DNAH6: variants seen among roughly 807,000 people sequenced by gnomAD.
The protein encoded by DNAH6 is dynein axonemal heavy chain 6.
A neutral mutation model predicts 491.4 loss-of-function variants in DNAH6; 340 were observed. The ratio of observed to expected loss-of-function variants is 0.69; its 90% confidence interval spans 0.63 to 0.76. DNAH6 has a LOEUF of 0.76. Among genes scored for constraint, DNAH6 ranks in the 30% least tolerant of loss-of-function variants. DNAH6 has a pLI of 0.00. For missense variants in DNAH6, 4,443 were observed against 4,972.2 expected, an observed-to-expected ratio of 0.89 and a Z score of 3.20; for synonymous variants, 1,603 against 1,686.1, an observed-to-expected ratio of 0.95 and a Z score of 1.21.
intron 13 of DNAH6, among the ~76,000 whole-genome samples, chr2:84,579,009 C>A (rs1254295364): frequency 2.0e-5 from 3 of 152,208 alleles, no homozygotes; most frequent in African/African-American, 7.2e-5. Flanking sequence ...CCTCCCCAGC[C>A]ATGCTGAACT....
At chr2:84,551,450 A>G (rs1378874802) in intron 9 of DNAH6, among the ~76,000 whole-genome samples, 1 of 152,212 alleles carries the variant, frequency 6.6e-6, no homozygotes, top group East Asian at 1.9e-4. Context: ...TTTTCCTCTT[A>G]GCAATACAGT....
intron 30 of DNAH6, among the ~76,000 whole-genome samples, chr2:84,636,134 T>C (rs1379614246): frequency 3.3e-5 from 5 of 152,210 alleles, no homozygotes; most frequent in African/African-American, 1.2e-4. Flanking sequence ...ACCTCTCTGC[T>C]GCCAATTTTG....
In DNAH6 at chr2:84,653,883, A is replaced by G. The variant is rs1488990544; in HGVS notation, c.5634+9A>G. 5 of 1,536,772 alleles carry G rather than the reference A, an allele frequency of 3.3e-6. No individual in the cohort carries two copies. Among genetic ancestry groups the G allele is most frequent in the Non-Finnish European group, 3.5e-6 (4 of 1,138,584 alleles). ...TTCACATGCTTTTTGAGGTAAGTGT[A>G]CACATTACTGTGGAGTGAAATCATT... On this transcript the variant is annotated intron_variant, in intron 34 of 76. Coordinates refer to ENST00000389394, the MANE Select transcript of DNAH6 (RefSeq NM_001370.2).
chr2:84,596,116 T>A (rs1326144908), intron 18 of DNAH6, among the ~76,000 whole-genome samples: 2 of 152,122 alleles, frequency 1.3e-5, no homozygotes, highest in African/African-American at 4.8e-5. Context: ...GGGGTAGACT[T>A]GTCCAATCGG....
Position 84,694,304 on chromosome 2 carries a change from G to A in DNAH6, c.7348G>A (p.Gly2450Ser), listed in dbSNP as rs1481027492. The A allele has an allele frequency of 4.5e-6, 7 of 1,552,162 alleles. No individual in the cohort carries two copies. The Admixed American group carries it at 5.9e-5, about 13-fold the overall frequency. Reference protein sequence around the residue: ...RGNALLVGVGGTGKQSLTRLA... With the variant: ...RGNALLVGVGSTGKQSLTRLA... The stretch of plus-strand genomic sequence containing the variant: ...CAATGCCCTGCTTGTTGGAGTAGGA[G>A]GCACAGGAAAGCAGTCACTCACGAG... The change falls in exon 46 of 77, where the codon GGC becomes AGC. Residue 2450 changes from glycine (G) to serine (S), a missense_variant. Physicochemically the swap from Gly to Ser is moderately conservative, Grantham distance 56 (BLOSUM62 0). This residue lies in a region of DNAH6 where 2,977 missense variants were observed against 3,296.6 expected (regional missense o/e 0.90). Transcript: ENST00000389394.
rs899005832 is a variant in DNAH6 at position 84,744,667 on chromosome 2, G to A, written c.10343-413G>A. 4.0e-5 allele frequency among the ~76,000 whole-genome samples: 6 copies of A among 151,796 alleles called. No individual in the cohort carries two copies. In the East Asian group the frequency reaches 9.6e-4, roughly 24 times the overall value. On this transcript the variant is annotated intron_variant, in intron 62 of 76. Coordinates refer to ENST00000389394, the MANE Select transcript of DNAH6 (RefSeq NM_001370.2). ...TTATGCTATTTTCTGGCTCACCTGG[G>A]TTCATTTTATTATGTTTTTATTATG...
intron 33 of DNAH6, among the ~76,000 whole-genome samples, chr2:84,652,590 A>G (rs1039360409): frequency 2.6e-5 from 4 of 152,034 alleles, no homozygotes; most frequent in African/African-American, 9.7e-5. Context: ...TTACAGTTGT[A>G]GATTTCCTGC....
intron 33 of DNAH6, among the ~76,000 whole-genome samples, chr2:84,645,640 A>G (rs1478998479): frequency 6.6e-5 from 10 of 152,080 alleles, no homozygotes; most frequent in African/African-American, 2.2e-4. Flanking sequence ...TAAGTTCCTT[A>G]TAGATGCTGG....
chr2:84,672,283 G>C, intron 39 of DNAH6, 44 bp from the exon 40 acceptor site: 5 of 1,527,302 alleles, frequency 3.3e-6, no homozygotes, highest in Non-Finnish European at 3.5e-6. Context: ...CATTTTCTAA[G>C]GGAAAATCAT....
intron 72 of DNAH6, among the ~76,000 whole-genome samples, chr2:84,810,350 T>C (rs1340024894): frequency 1.3e-5 from 2 of 152,240 alleles, no homozygotes; most frequent in African/African-American, 4.8e-5. Context: ...AGTGAACAAA[T>C]GTGACTCTCA....
At chr2:84,730,038 C>A (rs1489874051) in intron 61 of DNAH6, among the ~76,000 whole-genome samples, 1 of 151,934 alleles carries the variant, frequency 6.6e-6, no homozygotes, top group Non-Finnish European at 1.5e-5. Flanking sequence ...TGGAAGAGAC[C>A]TAGAAAGAAT....
At chr2:84,501,058 C>G in the DNAH6 span, among the ~76,000 whole-genome samples, 14 of 152,186 alleles carry the variant, frequency 9.2e-5, no homozygotes, top group Non-Finnish European at 1.5e-5. Flanking sequence ...ACTTCCAGTA[C>G]TATGCTGAAT....
At chr2:84,730,673 C>G (rs1381111761) in intron 61 of DNAH6, among the ~76,000 whole-genome samples, 2 of 152,096 alleles carry the variant, frequency 1.3e-5, no homozygotes, top group African/African-American at 4.8e-5. Context: ...GTTGGACAAG[C>G]TTTTTTTAAA....
intron 42 of DNAH6, 78 bp from the exon 43 acceptor site, chr2:84,685,248 G>C (rs1694157124): frequency 2.1e-5 from 23 of 1,091,460 alleles, no homozygotes; most frequent in Non-Finnish European, 2.8e-5. Flanking sequence ...GTACTTAAGG[G>C]TTTCCTAATT....
chr2:84,778,336 T>G (rs1039370292), intron 64 of DNAH6: 37 of 417,956 alleles, frequency 8.9e-5, no homozygotes, highest in Non-Finnish European at 1.7e-4. Context: ...CTTTATTAAT[T>G]CTTTGTATGG....
chr2:84,509,481 A>G, the DNAH6 span, among the ~76,000 whole-genome samples: 1 of 152,046 alleles, frequency 6.6e-6, no homozygotes, highest in African/African-American at 2.4e-5. Context: ...TTCACGTGAG[A>G]TGGGTCTCCT....
intron 63 of DNAH6, among the ~76,000 whole-genome samples, chr2:84,748,378 A>G (rs1261436537): frequency 6.6e-6 from 1 of 152,204 alleles, no homozygotes; most frequent in Non-Finnish European, 1.5e-5. Flanking sequence ...CTTTGTGGTG[A>G]AAAAATTAGA....
At chr2:84,767,900 A>C (rs188044147) in intron 64 of DNAH6, among the ~76,000 whole-genome samples, 239 of 152,286 alleles carry the variant, frequency 1.6e-3, no homozygotes, top group African/African-American at 5.4e-3. Context: ...CATATTAAAA[A>C]CAGATTAATT....
At chr2:84,503,543 A>T in the DNAH6 span, among the ~76,000 whole-genome samples, 5 of 152,086 alleles carry the variant, frequency 3.3e-5, no homozygotes, top group Non-Finnish European at 7.4e-5. Flanking sequence ...TTTCTGACTG[A>T]AGTATTCCCC....
Sources: gnomAD v4.1 joint callset for allele counts (sites outside exome capture counted in the v4.1 genomes callset) on GRCh38, gnomAD v4.1.1 for gene constraint, gnomAD v4.1.1 regional missense constraint, MANE v1.5 for transcripts, NCBI Gene and HGNC (gene_info 2026-07-23, HGNC 2026-07-21) for gene names.